Variants in NRXN1 observed in about 807,000 individuals in gnomAD.
NRXN1 encodes neurexin 1.
NRXN1 carries 39 observed loss-of-function variants against 150.9 expected under a neutral mutation model. That is an observed-to-expected ratio of 0.26 (90% CI 0.20 to 0.34). The LOEUF (loss-of-function observed/expected upper bound fraction) is 0.34, where lower values mean the gene tolerates loss of function less well. Ranked by LOEUF, NRXN1 falls within the 10% of genes least tolerant of loss-of-function variation. The probability of loss-of-function intolerance (pLI) is 1.00; values close to 1 mark genes in which losing one functional copy is unlikely to be tolerated. For synonymous variants in NRXN1, 924 were observed against 757.0 expected (o/e 1.22, Z -3.62); for missense variants, 1,815 against 1,949.9 (o/e 0.93, Z 1.30).
At chr2:50,733,660 G>T (rs898816030) in intron 5 of NRXN1, among the ~76,000 whole-genome samples, 1 of 152,040 alleles carries the variant, frequency 6.6e-6, no homozygotes, top group African/African-American at 2.4e-5. Flanking sequence ...CAATGTGGGT[G>T]GATAATTGGC....
chr2:50,997,314 G>C (rs1266067003), intron 2 of NRXN1, among the ~76,000 whole-genome samples: 1 of 151,808 alleles, frequency 6.6e-6, no homozygotes, highest in Non-Finnish European at 1.5e-5. Context: ...TGCACCTGTA[G>C]TCCCAGCTGC....
At chr2:50,374,222 C>A (rs2080320399) in intron 17 of NRXN1, among the ~76,000 whole-genome samples, 1 of 151,388 alleles carries the variant, frequency 6.6e-6, no homozygotes, top group African/African-American at 2.4e-5. Context: ...TGCTTGAGTC[C>A]AGAAGTTCAA....
Position 49,921,926 on chromosome 2 carries a change from C to T in NRXN1, c.*18G>A, listed in dbSNP as rs201303041. ...ATGAAGACTATTTCTATACAAGTGTCCATTTAAGATCTTGGGATCAGACAT... is the reference window on the plus strand; with the variant it reads ...ATGAAGACTATTTCTATACAAGTGTTCATTTAAGATCTTGGGATCAGACAT... On this transcript the variant is annotated 3_prime_UTR_variant, in exon 23 of 23. Coordinates refer to ENST00000401669, the MANE Select transcript of NRXN1 (RefSeq NM_001330078.2). 2.5e-6 allele frequency: 4 copies of T among 1,609,576 alleles called. No individual in the cohort carries two copies. Among genetic ancestry groups the T allele is most frequent in the Non-Finnish European group, 3.4e-6 (4 of 1,176,192 alleles).
intron 16 of NRXN1, among the ~76,000 whole-genome samples, chr2:50,469,722 G>C (rs1009509486): frequency 6.6e-6 from 1 of 150,990 alleles, no homozygotes; most frequent in Non-Finnish European, 1.5e-5. Flanking sequence ...TGGAATGAAA[G>C]AATCAGGACA....
chr2:50,447,555 T>C (rs1438918783), intron 17 of NRXN1, among the ~76,000 whole-genome samples: 1 of 142,544 alleles, frequency 7.0e-6, no homozygotes, highest in Middle Eastern at 3.7e-3. Context: ...CATATATATA[T>C]ACATATATAT....
At chr2:49,922,580 A>G (rs1668416036) in intron 22 of NRXN1, among the ~76,000 whole-genome samples, 1 of 152,216 alleles carries the variant, frequency 6.6e-6, no homozygotes, top group Non-Finnish European at 1.5e-5. Flanking sequence ...CAAACCCAGC[A>G]TAAAGAAAAG....
intron 18 of NRXN1, among the ~76,000 whole-genome samples, chr2:50,221,568 C>T (rs2063890374): frequency 6.6e-6 from 1 of 150,418 alleles, no homozygotes; most frequent in South Asian, 2.1e-4. Flanking sequence ...TATATTTAGC[C>T]ATCATTTTAA....
At chr2:50,058,181 A>G (rs954967266) in intron 19 of NRXN1, among the ~76,000 whole-genome samples, 1 of 152,200 alleles carries the variant, frequency 6.6e-6, no homozygotes, top group African/African-American at 2.4e-5. Context: ...GAAGCTTTGG[A>G]GATCCTTGCT....
chr2:50,657,769 C>T (rs1198081384), intron 5 of NRXN1, among the ~76,000 whole-genome samples: 1 of 151,994 alleles, frequency 6.6e-6, no homozygotes, highest in African/African-American at 2.4e-5. Context: ...TCTCACCTTC[C>T]TTTAAATCAC....
intron 5 of NRXN1, among the ~76,000 whole-genome samples, chr2:50,892,001 C>G (rs1681138137): frequency 6.6e-6 from 1 of 152,048 alleles, no homozygotes; most frequent in South Asian, 2.1e-4. Flanking sequence ...CCAATATTAT[C>G]AGGATACACA....
Position 50,290,798 on chromosome 2 carries a change from CT to C in NRXN1, c.3365-53829del, listed in dbSNP as rs548145933. On this transcript the variant is annotated intron_variant, in intron 17 of 22. Transcript: ENST00000401669. ...CAGTGGTAAAATGTCCAGATCTCTT[CT>C]GGACAAAACATGGGGCCAAGAAAGG... 6.9e-3 allele frequency among the ~76,000 whole-genome samples: 1,049 copies of C among 152,232 alleles called. 16 individuals carry two copies. Among genetic ancestry groups the C allele is most frequent in the African/African-American group, 0.024 (981 of 41,548 alleles).
intron 19 of NRXN1, among the ~76,000 whole-genome samples, chr2:50,070,230 C>G (rs1469940632): frequency 6.6e-6 from 1 of 152,060 alleles, no homozygotes; most frequent in Non-Finnish European, 1.5e-5. Flanking sequence ...AGTTTGTCTC[C>G]TCTTCATTTG....
chr2:50,878,055 C>G (rs1396436348), intron 5 of NRXN1, among the ~76,000 whole-genome samples: 1 of 151,916 alleles, frequency 6.6e-6, no homozygotes, highest in Non-Finnish European at 1.5e-5. Context: ...CCTCTGGATT[C>G]TGCTTTTTAA....
chr2:49,983,253 C>T (rs1680281463), intron 21 of NRXN1, among the ~76,000 whole-genome samples: 1 of 152,026 alleles, frequency 6.6e-6, no homozygotes. Context: ...AGCCGCTGTC[C>T]ACTTCATCTT....
intron 19 of NRXN1, among the ~76,000 whole-genome samples, chr2:50,058,453 T>C (rs1693978840): frequency 1.3e-5 from 2 of 152,230 alleles, no homozygotes; most frequent in South Asian, 4.1e-4. Context: ...TATTCTTGTA[T>C]GGGTAATGAA....
intron 21 of NRXN1, among the ~76,000 whole-genome samples, chr2:50,034,443 G>A (rs1471201341): frequency 6.6e-6 from 1 of 152,050 alleles, no homozygotes; most frequent in African/African-American, 2.4e-5. Context: ...GCTAAATAAT[G>A]AGAACAAATG....
chr2:50,101,137 C>G (rs1031573982), intron 18 of NRXN1, among the ~76,000 whole-genome samples: 2 of 151,900 alleles, frequency 1.3e-5, no homozygotes. Flanking sequence ...GCTTTAAAGA[C>G]CCTTGTTGGA....
intron 5 of NRXN1, among the ~76,000 whole-genome samples, chr2:50,743,721 T>C (rs1699706622): frequency 6.6e-6 from 1 of 152,176 alleles, no homozygotes. Flanking sequence ...ATCTTCTCCT[T>C]TTCCTTACTT....
At chr2:50,918,895 A>T (rs1486066845) in intron 5 of NRXN1, 1 of 185,850 alleles carries the variant, frequency 5.4e-6, no homozygotes, top group Non-Finnish European at 1.1e-5. Context: ...TCTACCCACA[A>T]CCAGCAAAAG....
Sources: gnomAD v4.1 joint callset for allele counts (sites outside exome capture counted in the v4.1 genomes callset) on GRCh38, gnomAD v4.1.1 for gene constraint, MANE v1.5 for transcripts, NCBI Gene and HGNC (gene_info 2026-07-23, HGNC 2026-07-21) for gene names.